PPP1CB: variants seen among roughly 807,000 people sequenced by gnomAD.
PPP1CB encodes the protein serine/threonine-protein phosphatase PP1-beta catalytic subunit.
In PPP1CB, 2 loss-of-function variants were observed where a neutral mutation model predicts 43.7. The ratio of observed to expected loss-of-function variants is 0.05; its 90% CI spans 0.02 to 0.14. The LOEUF (loss-of-function observed/expected upper bound fraction) is 0.14, where lower values mean the gene tolerates loss of function less well. Ranked by LOEUF, PPP1CB falls within the 10% of genes least tolerant of loss-of-function variation. The pLI is 1.00. For synonymous variants in PPP1CB, 136 were observed against 135.6 expected (o/e 1.00, Z -0.02); for missense variants, 84 against 398.0 (o/e 0.21, Z 6.71).
intron 1 of PPP1CB, among the ~76,000 whole-genome samples, chr2:28,763,663 A>G (rs1049138061): frequency 6.6e-5 from 10 of 152,044 alleles, no homozygotes; most frequent in African/African-American, 2.4e-4. Context: ...TTGTGGTACT[A>G]TACAGAGCCA....
chr2:28,755,583 A>G (rs1389240706), intron 1 of PPP1CB, among the ~76,000 whole-genome samples: 2 of 152,212 alleles, frequency 1.3e-5, no homozygotes, highest in Non-Finnish European at 2.9e-5. Flanking sequence ...GCTAGTTTGT[A>G]TGAGTATTCT....
At chr2:28,757,547 G>A (rs1050789914) in intron 1 of PPP1CB, among the ~76,000 whole-genome samples, 9 of 152,178 alleles carry the variant, frequency 5.9e-5, no homozygotes, top group South Asian at 2.1e-4. Context: ...AGTTGTTGCC[G>A]ACAACCTCCA....
intron 2 of PPP1CB, among the ~76,000 whole-genome samples, chr2:28,777,939 C>G (rs1667076178): frequency 1.3e-5 from 2 of 152,210 alleles, no homozygotes; most frequent in African/African-American, 4.8e-5. Context: ...TAGGCATGAG[C>G]CACCGCAGCT....
At chr2:28,759,569 ACATAAT>A (rs1298849447) in intron 1 of PPP1CB, among the ~76,000 whole-genome samples, 1 of 150,384 alleles carries the variant, frequency 6.6e-6, no homozygotes, top group Non-Finnish European at 1.5e-5. Flanking sequence ...TATATAGAGT[ACATAAT>A]ACTTGATAAT....
intron 7 of PPP1CB, 47 bp from the exon 8 acceptor site, chr2:28,799,152 T>C: frequency 1.5e-6 from 2 of 1,313,684 alleles, no homozygotes; most frequent in African/African-American, 1.5e-5. Context: ...TTTTCTTAAC[T>C]TCTGTACATG....
intron 5 of PPP1CB, among the ~76,000 whole-genome samples, chr2:28,785,314 T>G (rs975228492): frequency 6.6e-6 from 1 of 151,900 alleles, no homozygotes; most frequent in African/African-American, 2.4e-5. Context: ...GATCTTGTGA[T>G]CCACCCACCT....
At chr2:28,769,270 G>A (rs938868251) in intron 1 of PPP1CB, among the ~76,000 whole-genome samples, 5 of 152,158 alleles carry the variant, frequency 3.3e-5, no homozygotes, top group African/African-American at 7.2e-5. Flanking sequence ...AGTTTTGCTC[G>A]TGTGGCCGAG....
At chr2:28,770,241 T>A (rs554818737) in intron 1 of PPP1CB, among the ~76,000 whole-genome samples, 130 of 152,176 alleles carry the variant, frequency 8.5e-4, no homozygotes, top group Non-Finnish European at 1.4e-3. Context: ...CCAGCCTGGG[T>A]GACAGAGTGA....
chr2:28,766,398 CA>C (rs1171700090), intron 1 of PPP1CB, among the ~76,000 whole-genome samples: 1 of 152,082 alleles, frequency 6.6e-6, no homozygotes, highest in Non-Finnish European at 1.5e-5. Context: ...TATTTTTCCA[CA>C]AAAAAACTGC....
At chr2:28,768,681 C>G (rs1666834292) in intron 1 of PPP1CB, among the ~76,000 whole-genome samples, 1 of 152,176 alleles carries the variant, frequency 6.6e-6, no homozygotes, top group Admixed American at 6.5e-5. Context: ...TAAAAGGAAA[C>G]AGCCTTCTTT....
At chr2:28,755,112 G>T (rs1349218289) in intron 1 of PPP1CB, among the ~76,000 whole-genome samples, 2 of 152,236 alleles carry the variant, frequency 1.3e-5, no homozygotes, top group East Asian at 3.9e-4. Flanking sequence ...GCGGTGGGGT[G>T]ATGTTGGCTC....
chr2:28,762,203 T>C (rs1178629554), intron 1 of PPP1CB, among the ~76,000 whole-genome samples: 1 of 152,174 alleles, frequency 6.6e-6, no homozygotes, highest in Non-Finnish European at 1.5e-5. Context: ...AAGAATTGCT[T>C]GAATCTGGGA....
chr2:28,780,652 A>C (rs1667140828), intron 3 of PPP1CB, among the ~76,000 whole-genome samples: 1 of 152,184 alleles, frequency 6.6e-6, no homozygotes, highest in Non-Finnish European at 1.5e-5. Flanking sequence ...ACTTGTAAAC[A>C]GTGCTTTGAG....
At position 28,787,351 on chromosome 2, in the gene PPP1CB, C is replaced by T. The variant is rs113479789; in HGVS notation, c.593-1307C>T. 7.2e-5 allele frequency among the ~76,000 whole-genome samples: 11 copies of T among 151,970 alleles called. No individual in the cohort carries two copies. In the East Asian group the frequency reaches 1.7e-3, roughly 24 times the overall value. Reference sequence around the variant, plus strand: ...GCGGGCACCTGTAGTCCCAGCTACTCGGGAGGCTGAGGCAGGAGAATGGCG... The same window carrying T: ...GCGGGCACCTGTAGTCCCAGCTACTTGGGAGGCTGAGGCAGGAGAATGGCG... On this transcript the variant is annotated intron_variant, in intron 5 of 7. Transcript: ENST00000395366.
intron 1 of PPP1CB, among the ~76,000 whole-genome samples, chr2:28,766,800 C>G (rs1019925281): frequency 6.6e-6 from 1 of 152,120 alleles, no homozygotes; most frequent in Admixed American, 6.5e-5. Flanking sequence ...TTTATTGTCT[C>G]AGCTGGGGTG....
intron 1 of PPP1CB, among the ~76,000 whole-genome samples, chr2:28,753,705 G>T (rs1179515813): frequency 6.6e-6 from 1 of 152,146 alleles, no homozygotes; most frequent in Non-Finnish European, 1.5e-5. Context: ...TTACATTTGG[G>T]AAGTAGAGGC....
chr2:28,783,493 C>T (rs1667197712), intron 4 of PPP1CB, among the ~76,000 whole-genome samples: 1 of 152,110 alleles, frequency 6.6e-6, no homozygotes. Flanking sequence ...CGCGGTGGCC[C>T]ACGCCTGTAA....
At chr2:28,787,618 A>G (rs926131228) in intron 5 of PPP1CB, among the ~76,000 whole-genome samples, 3 of 152,202 alleles carry the variant, frequency 2.0e-5, no homozygotes, top group African/African-American at 7.2e-5. Context: ...CTGATGATTT[A>G]ATTGTAAGTG....
rs1357383751 is a variant in PPP1CB, at chr2:28,788,698, T to C, written c.633T>C (p.Asp211=). ...CDLLWSDPDK[D]VQGWGENDRG... ...TGCTATGGTCTGATCCAGATAAGGA[T>C]GTGCAAGGCTGGGGAGAAAATGATC... The change falls in exon 6 of 8, where the codon GAT becomes GAC. Residue 211 remains aspartate, a synonymous_variant. Transcript: ENST00000395366. 1.9e-6 allele frequency: 3 copies of C among 1,614,036 alleles called. No homozygotes were observed. Among genetic ancestry groups the C allele is most frequent in the South Asian group, 2.2e-5 (2 of 91,056 alleles).
Sources: gnomAD v4.1 joint callset for allele counts (sites outside exome capture counted in the v4.1 genomes callset) on GRCh38, gnomAD v4.1.1 for gene constraint, MANE v1.5 for transcripts, NCBI Gene and HGNC (gene_info 2026-07-23, HGNC 2026-07-21) for gene names.